The following ELAVL3 variants were observed in gnomAD, a reference collection of about 807,000 sequenced individuals.
The protein encoded by ELAVL3 is ELAV-like protein 3.
ELAVL3 carries 8 observed loss-of-function variants against 34.2 expected under a neutral mutation model. The ratio of observed to expected loss-of-function variants is 0.23; its 90% CI spans 0.14 to 0.42. The LOEUF is 0.42. Among genes scored for constraint, ELAVL3 ranks in the 10% least tolerant of loss-of-function variants. The pLI, the probability that ELAVL3 is intolerant of heterozygous loss-of-function variation, is 1.00. For missense variants in ELAVL3, 273 were observed against 518.8 expected (o/e 0.53, Z 4.60); for synonymous variants, 209 against 222.1 (o/e 0.94, Z 0.53).
At chr19:11,464,123 G>GTCTCTCTCTGTCTCTCTCTGTC (rs1317749325) in intron 3 of ELAVL3, among the ~76,000 whole-genome samples, 3 of 110,952 alleles carry the variant, frequency 2.7e-5, no homozygotes, top group African/African-American at 1.2e-4. Flanking sequence ...GTCTCTCTCT[G>GTCTCTCTCTGTCTCTCTCTGTC]TCTCTCTCTC....
chr19:11,466,696 G>A lies in ELAVL3; in HGVS notation c.141C>T (p.Pro47=), dbSNP rs770173965. 1 of 1,614,204 alleles carries A rather than the reference G, an allele frequency of 6.2e-7. No homozygotes were observed. The highest frequency in any genetic ancestry group is 8.5e-7 in the Non-Finnish European group (1 of 1,180,026). The part of the protein sequence containing the change: ...SKTNLIVNYL[P]QNMTQDEFKS... Reference sequence around the variant, plus strand: ...TGAACTCATCCTGGGTCATGTTCTGGGGCAGGTAGTTGACGATGAGGTTGG... The same window carrying A: ...TGAACTCATCCTGGGTCATGTTCTGAGGCAGGTAGTTGACGATGAGGTTGG... Residue 47 remains proline (P), a synonymous_variant, in exon 2 of 7, where the codon CCC becomes CCT. Coordinates refer to ENST00000359227, the MANE Select transcript of ELAVL3 (RefSeq NM_001420.4). The surrounding 1 kb of genome is among the most constrained non-coding windows in gnomAD (Gnocchi z 5.0).
chr19:11,469,483 T>A (rs1313962300), intron 1 of ELAVL3, among the ~76,000 whole-genome samples: 22 of 151,802 alleles, frequency 1.4e-4, no homozygotes, highest in Admixed American at 1.3e-3. Context: ...TTTCTCCATG[T>A]TGGTCACACT....
At position 11,454,589 on chromosome 19, in the gene ELAVL3, G is replaced by A; in HGVS notation, c.1041C>T (p.Gly347=). 1 of 1,614,224 alleles carries A rather than the reference G, an allele frequency of 6.2e-7. No homozygotes were observed. The highest frequency in any genetic ancestry group is 1.6e-4 in the Middle Eastern group (1 of 6,062). The change falls in exon 7 of 7, where the codon GGC becomes GGT. Residue 347 remains glycine, a synonymous_variant. Transcript: ENST00000359227. This position sits in a 1 kb window ranked among gnomAD's most constrained non-coding sequence, Gnocchi z 9.2. Reference sequence around the variant, plus strand: ...GCAGCACGCGCTCGCCCAGGCGATAGCCGTTCAGGCTGGCGATGGCCATGG... The same window carrying A: ...GCAGCACGCGCTCGCCCAGGCGATAACCGTTCAGGCTGGCGATGGCCATGG... ...EAAMAIASLN[G]YRLGERVLQV...
rs1970668390 is a variant in ELAVL3 at position 11,452,468 on chromosome 19, T to C, written c.*2058A>G. 6.6e-6 allele frequency: 1 copy of C among 151,222 alleles called. No homozygotes were observed. The highest frequency in any genetic ancestry group is 6.5e-5 in the Admixed American group (1 of 15,268). The allele number at this position is 151,222 out of a possible 1,614,324, so 9.4% of individuals were successfully genotyped here. A position where few individuals can be genotyped will look rare whatever the true frequency, so the allele number is the denominator to read the frequency against. On this transcript the variant is annotated 3_prime_UTR_variant, in exon 7 of 7. Coordinates refer to ENST00000359227, the MANE Select transcript of ELAVL3 (RefSeq NM_001420.4). Reference sequence around the variant, plus strand: ...TACAAGAAAGTTAACTGGTGCCAGTTTATGTCTTTTTTTTTTTTCCTTTTT... The same window carrying C: ...TACAAGAAAGTTAACTGGTGCCAGTCTATGTCTTTTTTTTTTTTCCTTTTT...
rs780695673 is a variant in ELAVL3 at position 11,466,857 on chromosome 19, G to A, written c.10-30C>T. ...AGATAACAGGTCGCATCCGCTCACC[G>A]CCCAGTCCCCACACCAGGGGCCTGC... is the stretch of plus-strand genomic sequence containing the variant. On this transcript the variant is annotated intron_variant, in intron 1 of 6. Transcript: ENST00000359227. The surrounding 1 kb of genome is among the most constrained non-coding windows in gnomAD (Gnocchi z 5.0). The A allele has an allele frequency of 1.4e-5, 22 of 1,549,242 alleles. No homozygotes were observed. Among genetic ancestry groups the A allele is most frequent in the African/African-American group, 9.6e-5 (7 of 73,100 alleles).
At chr19:11,463,892 C>T (rs1487969533) in intron 3 of ELAVL3, among the ~76,000 whole-genome samples, 2 of 151,542 alleles carry the variant, frequency 1.3e-5, no homozygotes, top group Non-Finnish European at 2.9e-5. Flanking sequence ...TCGCTTGAGC[C>T]TGGGAGGCGG....
chr19:11,473,317 A>G (rs551213113), intron 1 of ELAVL3, among the ~76,000 whole-genome samples: 1 of 152,276 alleles, frequency 6.6e-6, no homozygotes, highest in South Asian at 2.1e-4. Flanking sequence ...ATGAGCCGAG[A>G]TCGCACCACT....
In ELAVL3 at chr19:11,466,465, TC is replaced by T; in HGVS notation, c.229+142del. ...CCTTCACCTAGGGGGTATACCCATC[TC>T]CCCATCAGACCTCACATCCCTAGAC... On this transcript the variant is annotated intron_variant, in intron 2 of 6. Coordinates refer to ENST00000359227, the MANE Select transcript of ELAVL3 (RefSeq NM_001420.4). This position sits in a 1 kb window ranked among gnomAD's most constrained non-coding sequence, Gnocchi z 5.0. 1.9e-6 allele frequency: 2 copies of T among 1,039,368 alleles called. No homozygotes were observed. The highest frequency in any genetic ancestry group is 1.5e-5 in the South Asian group (1 of 68,192). The allele number at this position is 1,039,368 out of a possible 1,614,324, so 64.4% of individuals were successfully genotyped here. A position where few individuals can be genotyped will look rare whatever the true frequency, so the allele number is the denominator to read the frequency against.
At chr19:11,455,403 C>T (rs1388407048) in intron 6 of ELAVL3, among the ~76,000 whole-genome samples, 10 of 151,494 alleles carry the variant, frequency 6.6e-5, no homozygotes, top group African/African-American at 2.4e-4. Context: ...TAGGTTCAAG[C>T]GATTGTCCTG....
chr19:11,460,094 C>T (rs745406710), intron 3 of ELAVL3, among the ~76,000 whole-genome samples: 1 of 152,128 alleles, frequency 6.6e-6, no homozygotes, highest in African/African-American at 2.4e-5. Context: ...TGCTCCCGCC[C>T]GCCTCCAATC....
chr19:11,465,516 AC>A (rs1971033406), intron 3 of ELAVL3, among the ~76,000 whole-genome samples: 1 of 149,044 alleles, frequency 6.7e-6, no homozygotes, highest in African/African-American at 2.5e-5. Context: ...CCAATCCCCA[AC>A]CCCCCACATC....
At chr19:11,467,808 GA>G (rs1211613417) in intron 1 of ELAVL3, among the ~76,000 whole-genome samples, 4 of 146,036 alleles carry the variant, frequency 2.7e-5, no homozygotes, top group Non-Finnish European at 4.5e-5. Context: ...TTTTATTTTA[GA>G]AAAAGGGTCT....
rs1971346781 is a variant in ELAVL3 at position 11,480,153 on chromosome 19, G to A, written c.9+447C>T. 6.3e-6 allele frequency: 1 copy of A among 158,314 alleles called. No homozygotes were observed. 9.8% of individuals were successfully genotyped at this position (158,314 alleles called of 1,614,324 possible). A position where few individuals can be genotyped will look rare whatever the true frequency, so the allele number is the denominator to read the frequency against. ...CTCCCGGGTGCGGCCGAGGCCCGGG[G>A]CGCGCGATCCGACGCCACCCGCTTT... On this transcript the variant is annotated intron_variant, in intron 1 of 6. Transcript: ENST00000359227. This position sits in a 1 kb window ranked among gnomAD's most constrained non-coding sequence, Gnocchi z 6.8.
chr19:11,454,753 G>A lies in ELAVL3; in HGVS notation c.877C>T (p.Pro293Ser). ...GWCIFVYNLS[P>S]EADESVLWQL... ...CACAGCACGCTCTCGTCTGCCTCCGGTGACAGGTTGTACACGAAGATGCAC... is the reference window on the plus strand; with the variant it reads ...CACAGCACGCTCTCGTCTGCCTCCGATGACAGGTTGTACACGAAGATGCAC... Residue 293 changes from proline to serine, a missense_variant, in exon 7 of 7, where the codon CCG becomes TCG. Around this residue, in one of 4 missense-constraint regions of ELAVL3, gnomAD observed 52 missense variants for 119.6 expected, o/e 0.43. Transcript: ENST00000359227. This position sits in a 1 kb window ranked among gnomAD's most constrained non-coding sequence, Gnocchi z 9.2. 1.2e-6 allele frequency: 2 copies of A among 1,614,124 alleles called. No homozygotes were observed. The highest frequency in any genetic ancestry group is 8.5e-7 in the Non-Finnish European group (1 of 1,179,994).
chr19:11,471,957 C>T (rs1260962735), intron 1 of ELAVL3, among the ~76,000 whole-genome samples: 1 of 152,190 alleles, frequency 6.6e-6, no homozygotes, highest in Non-Finnish European at 1.5e-5. Context: ...TTTGACTGAC[C>T]TTATCTGTCA....
intron 3 of ELAVL3, among the ~76,000 whole-genome samples, chr19:11,462,019 C>A (rs1970895825): frequency 6.6e-6 from 1 of 151,432 alleles, no homozygotes; most frequent in Non-Finnish European, 1.5e-5. Flanking sequence ...ACTAAAAATA[C>A]AAAAAATTAG....
intron 6 of ELAVL3, among the ~76,000 whole-genome samples, chr19:11,456,603 G>A (rs1970773139): frequency 6.7e-6 from 1 of 150,260 alleles, no homozygotes; most frequent in East Asian, 2.0e-4. Context: ...ATGTTCAAGC[G>A]ATTCTCCTGC....
At chr19:11,464,726 CA>C (rs1970982322) in intron 3 of ELAVL3, among the ~76,000 whole-genome samples, 2 of 45,514 alleles carry the variant, frequency 4.4e-5, no homozygotes, top group African/African-American at 1.7e-4. Context: ...ACACACACAT[CA>C]CACACACACC....
At chr19:11,464,604 TACACCACACACACCACACAC>T (rs1404680167) in intron 3 of ELAVL3, among the ~76,000 whole-genome samples, 1 of 123,210 alleles carries the variant, frequency 8.1e-6, no homozygotes, top group Non-Finnish European at 1.7e-5. Flanking sequence ...CACACACACA[TACACCACACACACCACACAC>T]ACACCACACA....
Sources: gnomAD v4.1 joint callset for allele counts (sites outside exome capture counted in the v4.1 genomes callset) on GRCh38, gnomAD v4.1.1 for gene constraint, gnomAD v4.1.1 regional missense constraint, Gnocchi (gnomAD v3.1) non-coding constraint, MANE v1.5 for transcripts, NCBI Gene and HGNC (gene_info 2026-07-23, HGNC 2026-07-21) for gene names.